CCDC17: variants seen among roughly 807,000 people sequenced by gnomAD.
The protein encoded by CCDC17 is coiled-coil domain containing 17, also known as coiled-coil domain-containing protein 17.
CCDC17 carries 79 observed loss-of-function variants against 68.0 expected under a neutral mutation model. The ratio of observed to expected loss-of-function variants is 1.16; its 90% CI spans 0.97 to 1.40. CCDC17 has a LOEUF of 1.40. CCDC17 is among the 40% of genes most tolerant of loss of function. The pLI is 0.00. For missense variants in CCDC17, 846 were observed against 811.5 expected (o/e 1.04, Z -0.52); for synonymous variants, 376 against 337.5 (o/e 1.11, Z -1.25).
chr1:45,622,531 A>G lies in CCDC17; in HGVS notation c.859+18T>C. 6.5e-7 allele frequency: 1 copy of G among 1,549,564 alleles called. No individual in the cohort carries two copies. The highest frequency in any genetic ancestry group is 1.2e-5 in the South Asian group (1 of 83,894). ...CTCCCAGGACTGACCACCGCTGGCG[A>G]GAGGCCCTCCTGTTCACCTCTGCGG... On this transcript the variant is annotated intron_variant, in intron 6 of 12. Transcript: ENST00000528266.
rs759395596 is a variant in CCDC17 at position 45,621,130 on chromosome 1, AAGC to A, written c.1389-20_1389-18del. ...GGTGGTAGTCTGTAGAATAACCAAAAAGCAGTGTCGGAAGCCAGAGCTACAGTC... is the reference window on the plus strand; with the variant it reads ...GGTGGTAGTCTGTAGAATAACCAAAAAGTGTCGGAAGCCAGAGCTACAGTC... On this transcript the variant is annotated intron_variant, in intron 10 of 12. Coordinates refer to ENST00000528266, the MANE Select transcript of CCDC17 (RefSeq NM_001114938.3). The A allele has an allele frequency of 1.9e-6, 3 of 1,611,326 alleles. No homozygotes were observed. The highest frequency in any genetic ancestry group is 2.7e-5 in the African/African-American group (2 of 74,894).
rs201008298 is a variant in CCDC17 at position 45,620,977 on chromosome 1, G to C, written c.1525C>G (p.Arg509Gly). 1 of 1,613,794 alleles carries C rather than the reference G, an allele frequency of 6.2e-7. No individual in the cohort carries two copies. Among genetic ancestry groups the C allele is most frequent in the East Asian group, 2.2e-5 (1 of 44,882 alleles). ...FDQDQRVLSG[R>G]WRLPLRALPL... ...AGGGCCCGAAGTGGGAGGCGCCAGC[G>C]GCCACTTAGCACCCGCTGATCTTGG... is the stretch of plus-strand genomic sequence containing the variant. Residue 509 changes from arginine to glycine, a missense_variant, in exon 11 of 13, where the codon CGC becomes GGC. Transcript: ENST00000528266.
At chr1:45,621,818 A>T in intron 8 of CCDC17, 59 bp downstream of exon 8, 13 of 1,595,828 alleles carry the variant, frequency 8.1e-6, no homozygotes, top group Non-Finnish European at 1.0e-5. Flanking sequence ...GCTGCCTCCA[A>T]CCTGTTCCCC....
intron 7 of CCDC17, 35 bp from the exon 8 acceptor site, chr1:45,622,030 G>A: frequency 6.4e-7 from 1 of 1,561,680 alleles, no homozygotes. Flanking sequence ...CCCTAAGTTG[G>A]ACAAAGCAGG....
rs1408758316 is a variant in CCDC17 at position 45,622,260 on chromosome 1, C to CT, written c.947dup (p.Arg317GlufsTer77). On this transcript the variant is annotated frameshift_variant, in exon 7 of 13. Coordinates refer to ENST00000528266, the MANE Select transcript of CCDC17 (RefSeq NM_001114938.3). LOFTEE classifies it high-confidence loss of function. Reference sequence around the variant, plus strand: ...ACTGACCCAAGGGTGCCCGACCCCTCTGCATTTGCAAGGCCAAGATTTCTG... The same window carrying CT: ...ACTGACCCAAGGGTGCCCGACCCCTCTTGCATTTGCAAGGCCAAGATTTCTG... 2 of 1,613,058 alleles carry CT rather than the reference C, an allele frequency of 1.2e-6. No individual in the cohort carries two copies. The highest frequency in any genetic ancestry group is 1.7e-6 in the Non-Finnish European group (2 of 1,179,502).
chr1:45,622,628 G>A lies in CCDC17; in HGVS notation c.780C>T (p.Asp260=), dbSNP rs1644307967. 6 of 1,556,964 alleles carry A rather than the reference G, an allele frequency of 3.9e-6. No individual in the cohort carries two copies. Among genetic ancestry groups the A allele is most frequent in the Non-Finnish European group, 5.2e-6 (6 of 1,150,378 alleles). The change falls in exon 6 of 13, where the codon GAC becomes GAT. Residue 260 remains aspartate (D), a synonymous_variant. Transcript: ENST00000528266. Reference sequence around the variant, plus strand: ...GCCATATCTGGCCCAGCACGCCGGGGTCCCGGCCCCCGTCTCGAATGTAGG... The same window carrying A: ...GCCATATCTGGCCCAGCACGCCGGGATCCCGGCCCCCGTCTCGAATGTAGG... ...REAYIRDGGR[D]PGVLGQIWQL...
At chr1:45,620,646 T>C (rs772661900) in intron 12 of CCDC17, 77 bp downstream of exon 12, 2 of 1,545,998 alleles carry the variant, frequency 1.3e-6, no homozygotes, top group African/African-American at 2.7e-5. Context: ...CAGTGGTCAA[T>C]AAAGGCTGGC....
In CCDC17 at chr1:45,622,053, A is replaced by G. The variant is rs1021804351; in HGVS notation, c.968-58T>C. 9 of 1,505,970 alleles carry G rather than the reference A, an allele frequency of 6.0e-6. No homozygotes were observed. The East Asian group carries it at 2.2e-4, about 36-fold the overall frequency. 93.3% of individuals were successfully genotyped at this position (1,505,970 alleles called of 1,614,324 possible). A position where few individuals can be genotyped will look rare whatever the true frequency, so the allele number is the denominator to read the frequency against. On this transcript the variant is annotated intron_variant, in intron 7 of 12. Transcript: ENST00000528266. ...TGGACAAAGCAGGTAATTAGCTGAG[A>G]TACCCCTCCCCCAAGAGTTGGGCCC...
Position 45,623,652 on chromosome 1 carries a change from C to A in CCDC17, c.175G>T (p.Val59Phe). The A allele has an allele frequency of 5.2e-6, 8 of 1,551,628 alleles. No homozygotes were observed. The highest frequency in any genetic ancestry group is 7.0e-6 in the Non-Finnish European group (8 of 1,146,988). The change falls in exon 2 of 13, where the codon GTT becomes TTT. Residue 59 changes from valine (V) to phenylalanine (F), a missense_variant and splice_region_variant. Coordinates refer to ENST00000528266, the MANE Select transcript of CCDC17 (RefSeq NM_001114938.3). ...SVATEPQRAA[V>F]VPQEHQGVPQ... ...ACGCCCTGGTGTTCTTGTGGCACAA[C>A]CTGGGGATAGGGTGTAGTAGGATGA...
rs561067781 is a variant in CCDC17, at chr1:45,620,538, G to A, written c.1711-105C>T. The A allele has an allele frequency of 8.2e-6, 12 of 1,470,662 alleles. No individual in the cohort carries two copies. In the East Asian group the frequency reaches 1.5e-4, roughly 18 times the overall value. 91.1% of individuals were successfully genotyped at this position (1,470,662 alleles called of 1,614,324 possible). A position where few individuals can be genotyped will look rare whatever the true frequency, so the allele number is the denominator to read the frequency against. ...TAGAGTCTCACTTACTGTGAACCAAGTTAACCTGCTCCTGCTTTGATTTCC... is the reference window on the plus strand; with the variant it reads ...TAGAGTCTCACTTACTGTGAACCAAATTAACCTGCTCCTGCTTTGATTTCC... On this transcript the variant is annotated intron_variant, in intron 12 of 12. Transcript: ENST00000528266.
rs1474029001 is a variant in CCDC17, at chr1:45,622,242, C to G, written c.966G>C (p.Leu322Phe). 1.2e-6 allele frequency: 2 copies of G among 1,611,996 alleles called. No homozygotes were observed. Among genetic ancestry groups the G allele is most frequent in the Non-Finnish European group, 1.7e-6 (2 of 1,179,078 alleles). Residue 322 changes from leucine to phenylalanine, a missense_variant and splice_region_variant, in exon 7 of 13, where the codon TTG becomes TTC. Transcript: ENST00000528266. Reference protein sequence around the residue: ...ALQMQRGRAPLGPQDLRLLGD... With the variant: ...ALQMQRGRAPFGPQDLRLLGD... ...GATAGGGTTGGGGTGCTCACTGACC[C>G]AAGGGTGCCCGACCCCTCTGCATTT...
At chr1:45,622,901 G>GC in intron 4 of CCDC17, 54 bp downstream of exon 4, 2 of 912,454 alleles carry the variant, frequency 2.2e-6, no homozygotes, top group South Asian at 2.7e-5. Context: ...CAGCCAGCCC[G>GC]CCCCTCCCAC....
Position 45,621,044 on chromosome 1 carries a change from C to T in CCDC17, c.1458G>A (p.Arg486=). Residue 486 remains arginine (R), a synonymous_variant, in exon 11 of 13, where the codon AGG becomes AGA. Transcript: ENST00000528266. ...LQVWQGLAWA[R]APQPKAWVSL... ...AGACCCAAGCCTTTGGCTGTGGTGC[C>T]CTAGCCCATGCTAGCCCCTGCCAGA... The T allele has an allele frequency of 6.2e-7, 1 of 1,613,950 alleles. No individual in the cohort carries two copies. The highest frequency in any genetic ancestry group is 1.1e-5 in the South Asian group (1 of 91,074).
chr1:45,622,135 T>A, intron 7 of CCDC17, 106 bp downstream of exon 7: 1 of 1,286,470 alleles, frequency 7.8e-7, no homozygotes, highest in African/African-American at 1.5e-5. Context: ...AGACATGAAC[T>A]AGGGGAGTCA....
chr1:45,620,564 T>G (rs572925751), intron 12 of CCDC17, 131 bp from the exon 13 acceptor site: 2 of 1,472,274 alleles, frequency 1.4e-6, no homozygotes, highest in South Asian at 1.4e-5. Context: ...TTTGATTTCC[T>G]TATCTGTTAC....
chr1:45,621,744 A>C lies in CCDC17; in HGVS notation c.1087-9T>G. ...GTTCCAGGAAGCTGTGGCTGTGGGG[A>C]AGAGAGCTGACTCCTCCAGAAAGCC... On this transcript the variant is annotated splice_polypyrimidine_tract_variant and intron_variant, in intron 8 of 12. Coordinates refer to ENST00000528266, the MANE Select transcript of CCDC17 (RefSeq NM_001114938.3). 2.5e-6 allele frequency: 4 copies of C among 1,613,050 alleles called. No homozygotes were observed. Among genetic ancestry groups the C allele is most frequent in the Non-Finnish European group, 3.4e-6 (4 of 1,179,622 alleles).
At position 45,620,751 on chromosome 1, in the gene CCDC17, C is replaced by A. The variant is rs566975492; in HGVS notation, c.1682G>T (p.Ser561Ile). The change falls in exon 12 of 13, where the codon AGT becomes ATT. Residue 561 changes from serine (S) to isoleucine (I), a missense_variant. By Grantham distance (142) the Ser-to-Ile change is moderately radical. Transcript: ENST00000528266. ...VQTLAEINPA[S>I]VHEYQYPPPV... ...AGGTGGGTACTGGTACTCATGGACACTTGCTGGATTGATCTCTGCCAGTGT... is the reference window on the plus strand; with the variant it reads ...AGGTGGGTACTGGTACTCATGGACAATTGCTGGATTGATCTCTGCCAGTGT... The A allele has an allele frequency of 6.2e-7, 1 of 1,608,864 alleles. No homozygotes were observed. Among genetic ancestry groups the A allele is most frequent in the Non-Finnish European group, 8.5e-7 (1 of 1,177,704 alleles).
rs981723978 is a variant in CCDC17, at chr1:45,620,520, T to C, written c.1711-87A>G. 18 of 1,467,502 alleles carry C rather than the reference T, an allele frequency of 1.2e-5. No homozygotes were observed. In the South Asian group the frequency reaches 1.9e-4, roughly 15 times the overall value. The allele number at this position is 1,467,502 out of a possible 1,614,324, so 90.9% of individuals were successfully genotyped here. ...GAGTTAGTTAGGCTTCCTTAGAGTC[T>C]CACTTACTGTGAACCAAGTTAACCT... On this transcript the variant is annotated intron_variant, in intron 12 of 12. Coordinates refer to ENST00000528266, the MANE Select transcript of CCDC17 (RefSeq NM_001114938.3).
chr1:45,622,882 C>A (rs923565420), intron 4 of CCDC17, 48 bp from the exon 5 acceptor site: 1 of 1,573,724 alleles, frequency 6.4e-7, no homozygotes, highest in Non-Finnish European at 8.6e-7. Context: ...ATCAGAGGCC[C>A]CGGGGCTGCA....
Sources: gnomAD v4.1 joint callset for allele counts on GRCh38, gnomAD v4.1.1 for gene constraint, MANE v1.5 for transcripts, NCBI Gene and HGNC (gene_info 2026-07-23, HGNC 2026-07-21) for gene names.